Variants in BACH2 observed in about 807,000 individuals in gnomAD.
The protein encoded by BACH2 is transcription regulator protein BACH2.
A neutral mutation model predicts 61.8 loss-of-function variants in BACH2; 5 were observed. The ratio of observed to expected loss-of-function variants is 0.08; its 90% CI spans 0.04 to 0.17. BACH2 has a LOEUF of 0.17. Ranked by LOEUF, BACH2 falls within the 10% of genes least tolerant of loss-of-function variation. The pLI is 1.00. For missense variants in BACH2, 824 were observed against 1,091.1 expected, an observed-to-expected ratio of 0.76 and a Z score of 3.45; for synonymous variants, 446 against 440.1, an observed-to-expected ratio of 1.01 and a Z score of -0.17.
At chr6:90,274,529 A>C (rs1771630624) in intron 1 of BACH2, among the ~76,000 whole-genome samples, 1 of 152,218 alleles carries the variant, frequency 6.6e-6, no homozygotes, top group Admixed American at 6.5e-5. Flanking sequence ...CAGGGCGCAC[A>C]AGACAAGCTG....
chr6:90,205,547 C>T (rs1242739814), intron 4 of BACH2, among the ~76,000 whole-genome samples: 1 of 152,200 alleles, frequency 6.6e-6, no homozygotes, highest in Non-Finnish European at 1.5e-5. Flanking sequence ...AAGACAGTCT[C>T]TCACTGCAAA....
At chr6:89,944,956 CATA>C (rs1443403211) in intron 7 of BACH2, among the ~76,000 whole-genome samples, 2 of 151,962 alleles carry the variant, frequency 1.3e-5, no homozygotes, top group African/African-American at 2.4e-5. Context: ...ACCTATAAAC[CATA>C]ATGAGATAAA....
At chr6:90,212,521 C>A (rs528046137) in intron 3 of BACH2, among the ~76,000 whole-genome samples, 1 of 152,180 alleles carries the variant, frequency 6.6e-6, no homozygotes, top group African/African-American at 2.4e-5. Flanking sequence ...TAACATGGTT[C>A]TGCCCCAAGA....
intron 3 of BACH2, among the ~76,000 whole-genome samples, chr6:90,213,887 A>G (rs993480454): frequency 1.1e-4 from 17 of 152,216 alleles, no homozygotes; most frequent in African/African-American, 3.9e-4. Context: ...CTTTAATGTC[A>G]ATATTCATAT....
rs914789514 is a variant in BACH2 at position 89,928,268 on chromosome 6, A to T, written c.*4140T>A. The T allele has an allele frequency of 6.6e-6, 1 of 152,366 alleles. No individual in the cohort carries two copies. The highest frequency in any genetic ancestry group is 1.5e-5 in the Non-Finnish European group (1 of 68,034). 9.4% of individuals were successfully genotyped at this position (152,366 alleles called of 1,614,324 possible). A position where few individuals can be genotyped will look rare whatever the true frequency, so the allele number is the denominator to read the frequency against. On this transcript the variant is annotated 3_prime_UTR_variant, in exon 9 of 9. Coordinates refer to ENST00000257749, the MANE Select transcript of BACH2 (RefSeq NM_021813.4). ...AGCAGTTTGAAGTCATTTCTAAGAC[A>T]GCTCCTAGTTTAAATGGGGCATAAT... is the stretch of plus-strand genomic sequence containing the variant.
chr6:90,058,733 G>C (rs1012418684), intron 5 of BACH2, among the ~76,000 whole-genome samples: 1 of 152,124 alleles, frequency 6.6e-6, no homozygotes, highest in Non-Finnish European at 1.5e-5. Flanking sequence ...ATACTACAAG[G>C]CTACAGTAAC....
intron 2 of BACH2, among the ~76,000 whole-genome samples, chr6:90,258,343 T>C (rs1003863134): frequency 2.6e-5 from 4 of 152,228 alleles, no homozygotes; most frequent in African/African-American, 7.2e-5. Context: ...TGTGTCTTCT[T>C]GGTGCCCTTG....
intron 4 of BACH2, among the ~76,000 whole-genome samples, chr6:90,125,605 T>C (rs998624152): frequency 1.3e-5 from 2 of 152,180 alleles, no homozygotes; most frequent in African/African-American, 4.8e-5. Context: ...GCTTCTCTGC[T>C]CAGAACCAAT....
At chr6:90,169,184 A>G (rs1381264638) in intron 4 of BACH2, among the ~76,000 whole-genome samples, 4 of 151,322 alleles carry the variant, frequency 2.6e-5, no homozygotes, top group African/African-American at 7.3e-5. Flanking sequence ...AAAAAAAAAG[A>G]TTTTCTGAAC....
chr6:90,103,086 A>G (rs751778664), intron 4 of BACH2, among the ~76,000 whole-genome samples: 1 of 124,494 alleles, frequency 8.0e-6, no homozygotes, highest in Non-Finnish European at 1.6e-5. Context: ...TCAAAAACTG[A>G]TTTCTAGCCA....
At chr6:90,100,702 G>GACACACACAT (rs1190617375) in intron 4 of BACH2, among the ~76,000 whole-genome samples, 2 of 64,252 alleles carry the variant, frequency 3.1e-5, no homozygotes, top group Non-Finnish European at 6.7e-5. Context: ...CACACACACA[G>GACACACACAT]ACACACACAC....
intron 4 of BACH2, among the ~76,000 whole-genome samples, chr6:90,093,823 C>T (rs1334157775): frequency 6.6e-6 from 1 of 152,146 alleles, no homozygotes; most frequent in Non-Finnish European, 1.5e-5. Context: ...GATTGATTTC[C>T]GAAGACCTCA....
intron 6 of BACH2, among the ~76,000 whole-genome samples, chr6:89,962,447 TTTTTGTTTTCTGTGGTCCTC>T (rs1252621861): frequency 6.6e-6 from 1 of 152,338 alleles, no homozygotes; most frequent in East Asian, 1.9e-4. Flanking sequence ...CACAAATTCA[TTTTTGTTTTCTGTGGTCCTC>T]TTCGAAAGGT....
At chr6:90,005,581 T>G (rs568205398) in intron 6 of BACH2, among the ~76,000 whole-genome samples, 9 of 152,280 alleles carry the variant, frequency 5.9e-5, no homozygotes, top group African/African-American at 2.2e-4. Context: ...GCAGGGACAT[T>G]TCAGTGTGCA....
At chr6:90,081,771 T>C (rs1225539476) in intron 5 of BACH2, among the ~76,000 whole-genome samples, 4 of 152,112 alleles carry the variant, frequency 2.6e-5, no homozygotes, top group Non-Finnish European at 5.9e-5. Flanking sequence ...TCTACGGACA[T>C]AAAGTTTGTG....
intron 4 of BACH2, among the ~76,000 whole-genome samples, chr6:90,139,372 T>C (rs1784387209): frequency 1.3e-5 from 2 of 152,164 alleles, no homozygotes. Context: ...TGATCATAAT[T>C]TAGTAAGAAA....
intron 6 of BACH2, among the ~76,000 whole-genome samples, chr6:89,958,174 T>G (rs1187200249): frequency 6.6e-6 from 1 of 152,272 alleles, no homozygotes; most frequent in African/African-American, 2.4e-5. Context: ...AGAGATGAGG[T>G]CTCACTATGT....
chr6:90,007,813 C>T (rs1179508008), intron 6 of BACH2, among the ~76,000 whole-genome samples: 3 of 152,180 alleles, frequency 2.0e-5, no homozygotes, highest in African/African-American at 7.2e-5. Flanking sequence ...GAGATGCACA[C>T]CGCGCTGGTG....
intron 6 of BACH2, among the ~76,000 whole-genome samples, chr6:89,967,885 G>T (rs1442023147): frequency 6.6e-6 from 1 of 152,154 alleles, no homozygotes; most frequent in Non-Finnish European, 1.5e-5. Context: ...GAGTCTCTGA[G>T]TTAATGCTTC....
Sources: allele counts gnomAD v4.1 joint callset (sites outside exome capture counted in the v4.1 genomes callset), GRCh38; gene constraint gnomAD v4.1.1; transcripts MANE v1.5; gene names NCBI Gene and HGNC (gene_info 2026-07-23, HGNC 2026-07-21).